PCDHGA9: variants seen among roughly 807,000 people sequenced by gnomAD.
PCDHGA9 encodes the protein protocadherin gamma subfamily A, 9.
A neutral mutation model predicts 62.5 loss-of-function variants in PCDHGA9; 37 were observed. That is an observed-to-expected ratio of 0.59 (90% CI 0.46 to 0.78). The LOEUF (loss-of-function observed/expected upper bound fraction) is 0.78, where lower values mean the gene tolerates loss of function less well. PCDHGA9 is among the 30% of genes least tolerant of loss of function. The pLI, the probability that PCDHGA9 is intolerant of heterozygous loss-of-function variation, is 0.00. For missense variants in PCDHGA9, 1,138 were observed against 1,166.2 expected (o/e 0.98, Z 0.35); for synonymous variants, 459 against 484.6 (o/e 0.95, Z 0.69).
rs2154591169 is a variant in PCDHGA9 at position 141,493,606 on chromosome 5, T to A, written c.2425-1201T>A. Among the ~76,000 whole-genome samples, 1 of 152,278 alleles carries A rather than the reference T, an allele frequency of 6.6e-6. No homozygotes were observed. Among genetic ancestry groups the A allele is most frequent in the Non-Finnish European group, 1.5e-5 (1 of 68,022 alleles). ...ACAATCACTGCATTTCCATGTAGAT[T>A]CTGCTGTGTCTAAGAATACAGTGGC... On this transcript the variant is annotated intron_variant, in intron 1 of 3. Transcript: ENST00000573521. This position sits in a 1 kb window ranked among gnomAD's most constrained non-coding sequence, Gnocchi z 4.3.
At chr5:141,453,083 A>G (rs1404530649) in intron 1 of PCDHGA9, among the ~76,000 whole-genome samples, 1 of 152,044 alleles carries the variant, frequency 6.6e-6, no homozygotes, top group African/African-American at 2.4e-5. Flanking sequence ...CTGGTTGATT[A>G]GTATATTTTC....
At chr5:141,419,600 G>A (rs1304962440) in intron 1 of PCDHGA9, 3 of 1,611,816 alleles carry the variant, frequency 1.9e-6, no homozygotes, top group Non-Finnish European at 2.5e-6. Context: ...AGTGCCGCGG[G>A]CCGCGCAGCC....
At position 141,405,389 on chromosome 5, in the gene PCDHGA9, T is replaced by C. The variant is rs577174600; in HGVS notation, c.2424+13T>C. ...CCCTTTGGTTCCGGTGAGTTCATTT[T>C]TTTTCTTTCTTTCTTTTCTTTTTTT... On this transcript the variant is annotated intron_variant, in intron 1 of 3. Transcript: ENST00000573521. The C allele has an allele frequency of 2.5e-6, 4 of 1,600,534 alleles. No individual in the cohort carries two copies. The East Asian group carries it at 6.7e-5, about 27-fold the overall frequency.
At chr5:141,495,292 C>T (rs74321313) in intron 2 of PCDHGA9, among the ~76,000 whole-genome samples, 8,567 of 152,256 alleles carry the variant, frequency 0.056, 526 homozygotes, top group African/African-American at 0.16. Context: ...CCGCACTCAG[C>T]GCCTCCTCCA....
At chr5:141,447,163 G>T (rs11167747) in intron 1 of PCDHGA9, among the ~76,000 whole-genome samples, 6,233 of 151,894 alleles carry the variant, frequency 0.041, 196 homozygotes, top group Admixed American at 0.075. Flanking sequence ...TGTTTAAGCG[G>T]GGTCTTGCTC....
chr5:141,405,038 G>C lies in PCDHGA9; in HGVS notation c.2086G>C (p.Ala696Pro). The change falls in exon 1 of 4, where the codon GCT becomes CCT. Residue 696 changes from alanine (A) to proline (P), a missense_variant. Transcript: ENST00000573521. ...ASDLTLYLVV[A>P]VAVVSCVFLT... ...AGACCTTACCCTCTACCTCGTTGTGGCTGTGGCAGTCGTCTCCTGTGTCTT... is the reference window on the plus strand; with the variant it reads ...AGACCTTACCCTCTACCTCGTTGTGCCTGTGGCAGTCGTCTCCTGTGTCTT... The C allele has an allele frequency of 6.2e-7, 1 of 1,613,964 alleles. No homozygotes were observed. Among genetic ancestry groups the C allele is most frequent in the Non-Finnish European group, 8.5e-7 (1 of 1,179,864 alleles).
chr5:141,471,047 T>C (rs1270779800), intron 1 of PCDHGA9, among the ~76,000 whole-genome samples: 3 of 63,666 alleles, frequency 4.7e-5, no homozygotes. Flanking sequence ...CCAAGCCCTC[T>C]TTTTTTTTTT....
chr5:141,506,688 T>G (rs114532236), intron 3 of PCDHGA9, among the ~76,000 whole-genome samples: 2,113 of 152,334 alleles, frequency 0.014, 37 homozygotes, highest in African/African-American at 0.048. Flanking sequence ...TTATCTTTGC[T>G]GACCCAAACC....
At chr5:141,448,143 A>C (rs2098568288) in intron 1 of PCDHGA9, among the ~76,000 whole-genome samples, 1 of 152,012 alleles carries the variant, frequency 6.6e-6, no homozygotes, top group Admixed American at 6.6e-5. Context: ...ACTATACCTC[A>C]GACTCACCCC....
intron 1 of PCDHGA9, chr5:141,413,638 C>T (rs768604791): frequency 4.8e-5 from 78 of 1,613,686 alleles, no homozygotes; most frequent in Middle Eastern, 1.6e-4. Flanking sequence ...TGCGGGAATG[C>T]GTTTTCCTCT....
intron 2 of PCDHGA9, among the ~76,000 whole-genome samples, chr5:141,498,260 A>C (rs1044675509): frequency 6.6e-6 from 1 of 152,140 alleles, no homozygotes; most frequent in Non-Finnish European, 1.5e-5. Flanking sequence ...GCTGGTGTTG[A>C]GTTCTTCAGT....
At chr5:141,469,780 G>A (rs775691161) in intron 1 of PCDHGA9, among the ~76,000 whole-genome samples, 12 of 152,080 alleles carry the variant, frequency 7.9e-5, no homozygotes, top group Non-Finnish European at 1.8e-4. Context: ...ATTTATTACA[G>A]CGTTATTTGT....
chr5:141,457,579 A>G (rs557894260), intron 1 of PCDHGA9, among the ~76,000 whole-genome samples: 123 of 152,346 alleles, frequency 8.1e-4, no homozygotes, highest in Non-Finnish European at 1.4e-3. Flanking sequence ...TTTTCTCTCC[A>G]GTCCTCATTT....
intron 3 of PCDHGA9, among the ~76,000 whole-genome samples, chr5:141,509,040 C>T (rs1217864661): frequency 6.6e-6 from 1 of 152,132 alleles, no homozygotes; most frequent in African/African-American, 2.4e-5. Context: ...CAACCCCTCT[C>T]CCCCGCCCCC....
Position 141,423,358 on chromosome 5 carries a change from G to A in PCDHGA9, c.2424+17982G>A, listed in dbSNP as rs202010010. The A allele has an allele frequency of 2.3e-4, 371 of 1,614,078 alleles. 1 individual carries two copies. The highest frequency in any genetic ancestry group is 2.8e-4 in the Non-Finnish European group (334 of 1,180,024). ...CTGCATCTTCCTGGTCTTTGTCATC[G>A]TGCTGCTGGCACTCAGGCTGTGGCG... On this transcript the variant is annotated intron_variant, in intron 1 of 3. Coordinates refer to ENST00000573521, the MANE Select transcript of PCDHGA9 (RefSeq NM_018921.3).
chr5:141,428,199 C>T (rs760718878), intron 1 of PCDHGA9: 28 of 1,364,510 alleles, frequency 2.1e-5, no homozygotes, highest in Non-Finnish European at 2.9e-5. Flanking sequence ...CTCTCTGCGC[C>T]GCTACGCTTC....
chr5:141,428,169 G>A (rs758370904), intron 1 of PCDHGA9: 1 of 1,540,076 alleles, frequency 6.5e-7, no homozygotes, highest in Non-Finnish European at 8.9e-7. Flanking sequence ...GTTGCTGTGC[G>A]TGACGGAGGA....
intron 1 of PCDHGA9, chr5:141,478,583 C>CT (rs754743497): frequency 5.7e-6 from 9 of 1,578,146 alleles, no homozygotes; most frequent in South Asian, 1.1e-5. Flanking sequence ...CCTGTTAGTG[C>CT]TTTTTTATTC....
intron 2 of PCDHGA9, among the ~76,000 whole-genome samples, chr5:141,503,909 C>T (rs904260329): frequency 1.3e-5 from 2 of 152,156 alleles, no homozygotes; most frequent in Admixed American, 1.3e-4. Flanking sequence ...ACACACACAA[C>T]GCAACACACA....
Sources: allele counts gnomAD v4.1 joint callset (sites outside exome capture counted in the v4.1 genomes callset), GRCh38; gene constraint gnomAD v4.1.1; non-coding constraint Gnocchi (gnomAD v3.1); transcripts MANE v1.5; gene names NCBI Gene and HGNC (gene_info 2026-07-23, HGNC 2026-07-21).